The following NBAS variants were observed in gnomAD, a reference collection of about 807,000 sequenced individuals.
NBAS encodes the protein NBAS subunit of NRZ tethering complex, also known as NAG/BC035112 fusion.
NBAS carries 219 observed loss-of-function variants against 302.5 expected under a neutral mutation model. That is an observed-to-expected ratio of 0.72 (90% CI 0.65 to 0.81). The LOEUF (loss-of-function observed/expected upper bound fraction) is 0.81. NBAS is among the 30% of genes least tolerant of loss of function. The probability of loss-of-function intolerance (pLI) is 0.00; values close to 1 mark genes in which losing one functional copy is unlikely to be tolerated. For missense variants in NBAS, 2,932 were observed against 2,841.6 expected, an observed-to-expected ratio of 1.03 and a Z score of -0.72; for synonymous variants, 1,118 against 1,021.6, an observed-to-expected ratio of 1.09 and a Z score of -1.80.
chr2:15,440,907 C>T lies in NBAS; in HGVS notation c.2340-13113G>A, dbSNP rs199635091. Among the ~76,000 whole-genome samples the T allele has an allele frequency of 5.0e-3, 749 of 149,554 alleles. 7 individuals are homozygous for T. The highest frequency in any genetic ancestry group is 0.036 in the East Asian group (171 of 4,808). ...GATCAACTGGAAGAAAGGGTATCAG[C>T]GATGGAAGATGAAATGAATGAAATG... On this transcript the variant is annotated intron_variant, in intron 21 of 51. Transcript: ENST00000281513.
At chr2:15,120,458 G>C in the NBAS span, among the ~76,000 whole-genome samples, 1 of 151,856 alleles carries the variant, frequency 6.6e-6, no homozygotes, top group African/African-American at 2.4e-5. Context: ...GAACAGAAAG[G>C]TTAATCCTCA....
intron 25 of NBAS, among the ~76,000 whole-genome samples, chr2:15,405,872 A>T (rs997774522): frequency 6.6e-6 from 1 of 152,256 alleles, no homozygotes; most frequent in South Asian, 2.1e-4. Context: ...TGTGCAAAAC[A>T]TCTAAGAGGA....
the NBAS span, among the ~76,000 whole-genome samples, chr2:14,779,236 T>C: frequency 6.6e-6 from 1 of 152,146 alleles, no homozygotes; most frequent in African/African-American, 2.4e-5. Flanking sequence ...ATATTAGGAA[T>C]TATCATTTTG....
chr2:14,888,588 TA>T, the NBAS span, among the ~76,000 whole-genome samples: 6 of 152,220 alleles, frequency 3.9e-5, no homozygotes, highest in African/African-American at 7.2e-5. Context: ...AGTATTATAC[TA>T]TTTTTTTAAT....
the NBAS span, among the ~76,000 whole-genome samples, chr2:14,943,046 G>A: frequency 1.3e-5 from 2 of 152,196 alleles, no homozygotes; most frequent in African/African-American, 4.8e-5. Flanking sequence ...TGAACAGCAT[G>A]TTCTCTCTTT....
chr2:15,366,362 A>G (rs1674197405), intron 32 of NBAS, among the ~76,000 whole-genome samples: 1 of 152,190 alleles, frequency 6.6e-6, no homozygotes, highest in Non-Finnish European at 1.5e-5. Context: ...ATTTTTCTAG[A>G]AAATACTAAT....
Position 15,561,334 on chromosome 2 carries a change from T to C in NBAS, c.-30A>G, listed in dbSNP as rs1029195232. 3 of 1,592,674 alleles carry C rather than the reference T, an allele frequency of 1.9e-6. No individual in the cohort carries two copies. Among genetic ancestry groups the C allele is most frequent in the African/African-American group, 1.3e-5 (1 of 74,472 alleles). The stretch of plus-strand genomic sequence containing the variant: ...GCCGAGGACTCAGGCAGCGGAGGAG[T>C]GTCTCTACGGAATCCCTCACAGGAC... On this transcript the variant is annotated 5_prime_UTR_variant, in exon 1 of 52. Transcript: ENST00000281513.
At chr2:15,056,191 T>C in the NBAS span, among the ~76,000 whole-genome samples, 1 of 152,112 alleles carries the variant, frequency 6.6e-6, no homozygotes, top group Non-Finnish European at 1.5e-5. Flanking sequence ...GAAATGGATC[T>C]ATTTTCTCTA....
rs1322954508 is a variant in NBAS at position 15,379,731 on chromosome 2, C to A, written c.3461G>T (p.Gly1154Val). 2 of 1,613,908 alleles carry A rather than the reference C, an allele frequency of 1.2e-6. No homozygotes were observed. Among genetic ancestry groups the A allele is most frequent in the East Asian group, 2.2e-5 (1 of 44,858 alleles). Residue 1154 changes from glycine to valine, a missense_variant, in exon 30 of 52, where the codon GGT becomes GTT. By Grantham distance (109) the Gly-to-Val change is moderately radical. Transcript: ENST00000281513. ...CSACSENPPA[G>V]IAHKGKPHYR... The stretch of plus-strand genomic sequence containing the variant: ...GTGGGGTTTCCCTTTATGGGCTATA[C>A]CAGCTGGAGGATTTTCTGAACAAGC...
chr2:15,183,140 G>A (rs1321041969), intron 50 of NBAS, among the ~76,000 whole-genome samples: 1 of 152,156 alleles, frequency 6.6e-6, no homozygotes, highest in African/African-American at 2.4e-5. Flanking sequence ...ACTTCCAAGT[G>A]TAGTAAAATA....
At chr2:14,965,449 G>C in the NBAS span, among the ~76,000 whole-genome samples, 1 of 152,124 alleles carries the variant, frequency 6.6e-6, no homozygotes, top group African/African-American at 2.4e-5. Context: ...GACCTTGAAA[G>C]ACACGCACTA....
At chr2:15,096,877 C>G in the NBAS span, among the ~76,000 whole-genome samples, 40 of 152,140 alleles carry the variant, frequency 2.6e-4, no homozygotes, top group African/African-American at 9.2e-4. Context: ...TACAGAGGAG[C>G]AAAACAGGGA....
At chr2:15,272,787 C>G (rs1310479297) in intron 44 of NBAS, among the ~76,000 whole-genome samples, 1 of 152,176 alleles carries the variant, frequency 6.6e-6, no homozygotes, top group African/African-American at 2.4e-5. Flanking sequence ...AGGTGCACCT[C>G]TAACCCAACA....
chr2:15,222,219 CA>C (rs1666977072), intron 47 of NBAS, among the ~76,000 whole-genome samples: 1 of 152,174 alleles, frequency 6.6e-6, no homozygotes. Flanking sequence ...AGTGAAACAT[CA>C]AAATCATGTT....
the NBAS span, among the ~76,000 whole-genome samples, chr2:14,792,906 G>T: frequency 6.6e-6 from 1 of 152,044 alleles, no homozygotes; most frequent in African/African-American, 2.4e-5. Flanking sequence ...AAAATTATAT[G>T]GTGAGTCCTA....
At chr2:15,373,900 T>C (rs114551705) in intron 31 of NBAS, among the ~76,000 whole-genome samples, 1,863 of 152,244 alleles carry the variant, frequency 0.012, 24 homozygotes, top group Middle Eastern at 0.041. Context: ...ACTCTGTTCA[T>C]TTAGGGCACA....
intron 11 of NBAS, among the ~76,000 whole-genome samples, chr2:15,501,497 C>A (rs1661550012): frequency 6.6e-6 from 1 of 150,620 alleles, no homozygotes; most frequent in Non-Finnish European, 1.5e-5. Flanking sequence ...CAATCACTGT[C>A]TTGGCTATTT....
chr2:15,533,801 C>G (rs1275406872), intron 9 of NBAS, among the ~76,000 whole-genome samples: 1 of 151,184 alleles, frequency 6.6e-6, no homozygotes, highest in Non-Finnish European at 1.5e-5. Context: ...GAATACAAAC[C>G]TGCATACATT....
chr2:15,400,304 G>A (rs894167584), intron 26 of NBAS, among the ~76,000 whole-genome samples: 28 of 151,716 alleles, frequency 1.8e-4, no homozygotes, highest in African/African-American at 6.5e-4. Context: ...AGTAGTTCAT[G>A]AGGGTGATGG....
Sources: gnomAD v4.1 joint callset for allele counts (sites outside exome capture counted in the v4.1 genomes callset) on GRCh38, gnomAD v4.1.1 for gene constraint, MANE v1.5 for transcripts, NCBI Gene and HGNC (gene_info 2026-07-23, HGNC 2026-07-21) for gene names.